Variants in VWF observed in about 807,000 individuals in gnomAD.
VWF encodes the protein Factor VIII related antigen.
Under a neutral mutation model 308.6 loss-of-function variants are expected in VWF, and 176 were observed. The ratio of observed to expected loss-of-function variants is 0.57; its 90% CI spans 0.50 to 0.65. The LOEUF (loss-of-function observed/expected upper bound fraction) is 0.65. Ranked by LOEUF, VWF falls within the 30% of genes least tolerant of loss-of-function variation. The pLI is 0.00. For synonymous variants in VWF, 1,385 were observed against 1,443.4 expected (o/e 0.96, Z 0.92); for missense variants, 3,146 against 3,648.2 (o/e 0.86, Z 3.55).
chr12:6,124,103 G>A (rs528737789), intron 1 of VWF, among the ~76,000 whole-genome samples: 70 of 152,260 alleles, frequency 4.6e-4, no homozygotes, highest in African/African-American at 1.3e-3. Context: ...CCAAGCAGGT[G>A]TCCCCTCCCA....
At chr12:5,949,972 T>C in intron 50 of VWF, 89 bp from the exon 51 acceptor site, 1 of 1,195,854 alleles carries the variant, frequency 8.4e-7, no homozygotes, top group African/African-American at 1.5e-5. Context: ...GGGCTGGAAA[T>C]AGGTCCCTTT....
intron 28 of VWF, among the ~76,000 whole-genome samples, chr12:6,017,175 G>A (rs1944072749): frequency 1.3e-5 from 2 of 152,152 alleles, no homozygotes; most frequent in African/African-American, 4.8e-5. Context: ...GGTAAGAAGG[G>A]GCCACCATTC....
chr12:6,084,270 G>A (rs1489221882), intron 6 of VWF, among the ~76,000 whole-genome samples: 1 of 152,178 alleles, frequency 6.6e-6, no homozygotes, highest in Non-Finnish European at 1.5e-5. Context: ...CATTCTGGCA[G>A]GGATGCAAAA....
At chr12:5,970,865 C>A (rs1334212068) in intron 44 of VWF, among the ~76,000 whole-genome samples, 2 of 152,242 alleles carry the variant, frequency 1.3e-5, no homozygotes, top group Admixed American at 6.5e-5. Context: ...TGGCACCACC[C>A]ACCTTATCCT....
Position 6,063,178 on chromosome 12 carries a change from G to T in VWF, c.1433-124C>A. 1 of 805,364 alleles carries T rather than the reference G, an allele frequency of 1.2e-6. No individual in the cohort carries two copies. The highest frequency in any genetic ancestry group is 1.5e-5 in the South Asian group (1 of 68,064). 49.9% of individuals were successfully genotyped at this position (805,364 alleles called of 1,614,324 possible). The stretch of plus-strand genomic sequence containing the variant: ...GGTAGCACTGAAGAGCAATGACTTA[G>T]GGGCAGATGGGGTGGCCATGAGGTT... On this transcript the variant is annotated intron_variant, in intron 12 of 51. Coordinates refer to ENST00000261405, the MANE Select transcript of VWF (RefSeq NM_000552.5). This position sits in a 1 kb window ranked among gnomAD's most constrained non-coding sequence, Gnocchi z 4.9.
At position 6,079,326 on chromosome 12, in the gene VWF, G is replaced by T. The variant is rs537441964; in HGVS notation, c.658-3775C>A. 2.6e-5 allele frequency among the ~76,000 whole-genome samples: 4 copies of T among 152,326 alleles called. No individual in the cohort carries two copies. The South Asian group carries it at 8.3e-4, about 32-fold the overall frequency. On this transcript the variant is annotated intron_variant, in intron 6 of 51. Coordinates refer to ENST00000261405, the MANE Select transcript of VWF (RefSeq NM_000552.5). ...ACAGGACACAGAAACAGGTCCAAGG[G>T]CCAGGCGCGGTGGCTCACACCTGTA...
At chr12:6,048,123 C>G (rs532666147) in intron 16 of VWF, among the ~76,000 whole-genome samples, 2 of 152,312 alleles carry the variant, frequency 1.3e-5, no homozygotes, top group South Asian at 4.1e-4. Context: ...ATACTCATTG[C>G]TTTAATTTGC....
rs185808312 is a variant in VWF, at chr12:5,979,838, G to A, written c.7287+1948C>T. Among the ~76,000 whole-genome samples, 752 of 151,104 alleles carry A rather than the reference G, an allele frequency of 5.0e-3. 30 individuals are homozygous for A. The highest frequency in any genetic ancestry group is 0.045 in the Admixed American group (678 of 15,176). Reference sequence around the variant, plus strand: ...GGGTGGATCACAAGGTCAGGAGATCGAGACCATCCTGGCTAACACAGTGAA... The same window carrying A: ...GGGTGGATCACAAGGTCAGGAGATCAAGACCATCCTGGCTAACACAGTGAA... On this transcript the variant is annotated intron_variant, in intron 42 of 51. Coordinates refer to ENST00000261405, the MANE Select transcript of VWF (RefSeq NM_000552.5).
chr12:5,962,139 T>C (rs1776699041), intron 47 of VWF, among the ~76,000 whole-genome samples: 1 of 152,180 alleles, frequency 6.6e-6, no homozygotes, highest in African/African-American at 2.4e-5. Flanking sequence ...TTCTGTTCTT[T>C]ACAAATTACC....
In VWF at chr12:6,019,344, G is replaced by A. The variant is rs531603223; in HGVS notation, c.4074C>T (p.Ser1358=). The change falls in exon 28 of 52, where the codon AGC becomes AGT. Residue 1358 remains serine, a synonymous_variant. Coordinates refer to ENST00000261405, the MANE Select transcript of VWF (RefSeq NM_000552.5). The surrounding 1 kb of genome is among the most constrained non-coding windows in gnomAD (Gnocchi z 5.8). ...KYAGSQVAST[S]EVLKYTLFQI... is the part of the protein sequence containing the mutation. ...GGAACAGTGTGTATTTCAAGACCTC[G>A]CTGGTGGAGGCCACCTGGCTGCCCG... The A allele has an allele frequency of 1.1e-4, 171 of 1,613,908 alleles. 2 individuals are homozygous for A. In the South Asian group the frequency reaches 1.7e-3, roughly 16 times the overall value.
intron 47 of VWF, among the ~76,000 whole-genome samples, chr12:5,965,345 C>T (rs1943390148): frequency 6.6e-6 from 1 of 152,210 alleles, no homozygotes; most frequent in Non-Finnish European, 1.5e-5. Context: ...GCCCTTCCAT[C>T]CATCTCCCCG....
chr12:6,103,543 TATACACAC>T (rs1945207404), intron 5 of VWF, among the ~76,000 whole-genome samples: 1 of 82,766 alleles, frequency 1.2e-5, no homozygotes, highest in African/African-American at 7.1e-5. Flanking sequence ...CACATATATG[TATACACAC>T]ACACACACAC....
intron 16 of VWF, among the ~76,000 whole-genome samples, chr12:6,048,723 A>G (rs955441648): frequency 2.0e-5 from 3 of 152,134 alleles, no homozygotes; most frequent in Non-Finnish European, 4.4e-5. Context: ...TCGGCCTCCC[A>G]AAGTGCTGGG....
chr12:6,043,277 C>T (rs923781136), intron 18 of VWF, among the ~76,000 whole-genome samples: 3 of 152,170 alleles, frequency 2.0e-5, no homozygotes, highest in African/African-American at 7.2e-5. Flanking sequence ...CACTGCAATC[C>T]CAGCCTTCCT....
chr12:6,048,276 T>C (rs1944469247), intron 16 of VWF, among the ~76,000 whole-genome samples: 1 of 152,164 alleles, frequency 6.6e-6, no homozygotes, highest in Non-Finnish European at 1.5e-5. Flanking sequence ...CAAGCGATTC[T>C]CCTGCCTCAG....
chr12:6,092,620 T>TGAGTGAGAGAGAGAGAGAGAGAGAGA lies in VWF; in HGVS notation c.657+2839_657+2840insTCTCTCTCTCTCTCTCTCTCTCACTC, dbSNP rs1250915385. ...CAGCTAGTTAGTGAGTGAGTGAGAGTGTGTGTGTGTGTGTGTGTGTGTGTG... is the reference window on the plus strand; with the variant it reads ...CAGCTAGTTAGTGAGTGAGTGAGAGTGAGTGAGAGAGAGAGAGAGAGAGAGAGTGTGTGTGTGTGTGTGTGTGTGTG... On this transcript the variant is annotated intron_variant, in intron 6 of 51. Coordinates refer to ENST00000261405, the MANE Select transcript of VWF (RefSeq NM_000552.5). Among the ~76,000 whole-genome samples, 9 of 89,678 alleles carry TGAGTGAGAGAGAGAGAGAGAGAGAGA rather than the reference T, an allele frequency of 1.0e-4. 1 individual carries two copies. Among genetic ancestry groups the TGAGTGAGAGAGAGAGAGAGAGAGAGA allele is most frequent in the African/African-American group, 5.4e-4 (9 of 16,762 alleles). 58.8% of individuals were successfully genotyped at this position (89,678 alleles called of 152,430 possible).
In VWF at chr12:6,011,699, G is replaced by C; in HGVS notation, c.5760C>G (p.Asp1920Glu). The part of the protein sequence containing the change: ...TLLKSHRVNC[D>E]RGLRPSCPNS... ...TAGGGCACGAAGGCCTCAGCCCCCG[G>C]TCACAGTTGACCCGATGACTCTTCA... The change falls in exon 34 of 52, where the codon GAC becomes GAG. Residue 1920 changes from aspartate (D) to glutamate (E), a missense_variant. Asp to Glu is a conservative substitution (Grantham distance 45). Transcript: ENST00000261405. The C allele has an allele frequency of 6.2e-7, 1 of 1,613,900 alleles. No individual in the cohort carries two copies.
intron 35 of VWF, 27 bp from the exon 36 acceptor site, chr12:5,994,634 G>T (rs764281078): frequency 5.6e-6 from 9 of 1,610,248 alleles, no homozygotes; most frequent in African/African-American, 1.3e-5. Flanking sequence ...GAGCTCATCC[G>T]TAGTCCTAGC....
chr12:6,091,382 C>A (rs117573477), intron 6 of VWF, among the ~76,000 whole-genome samples: 3 of 152,032 alleles, frequency 2.0e-5, no homozygotes, highest in African/African-American at 7.2e-5. Context: ...TTAGATAAAT[C>A]AGATTTCTAC....
Sources: allele counts gnomAD v4.1 joint callset (sites outside exome capture counted in the v4.1 genomes callset), GRCh38; gene constraint gnomAD v4.1.1; non-coding constraint Gnocchi (gnomAD v3.1); transcripts MANE v1.5; gene names NCBI Gene and HGNC (gene_info 2026-07-23, HGNC 2026-07-21).